DNAH9: variants seen among roughly 807,000 people sequenced by gnomAD.
The protein encoded by DNAH9 is DNAH9 variant protein.
In DNAH9, 345 loss-of-function variants were observed where a neutral mutation model predicts 471.6. The observed-to-expected ratio is 0.73, with a 90% confidence interval of 0.67 to 0.80. The LOEUF (loss-of-function observed/expected upper bound fraction) is 0.80, where lower values mean the gene tolerates loss of function less well. Ranked by LOEUF, DNAH9 falls within the 30% of genes least tolerant of loss-of-function variation. The pLI, the probability that DNAH9 is intolerant of heterozygous loss-of-function variation, is 0.00. For missense variants in DNAH9, 5,407 were observed against 5,609.2 expected (o/e 0.96, Z 1.15); for synonymous variants, 2,093 against 2,123.6 (o/e 0.99, Z 0.40).
chr17:11,747,431 G>T (rs1171712939), intron 31 of DNAH9, 125 bp from the exon 32 acceptor site: 16 of 693,254 alleles, frequency 2.3e-5, no homozygotes. Flanking sequence ...ACATCTTGGG[G>T]TAGATAACTC....
intron 35 of DNAH9, among the ~76,000 whole-genome samples, chr17:11,761,617 C>T (rs571728930): frequency 6.6e-6 from 1 of 152,274 alleles, no homozygotes; most frequent in African/African-American, 2.4e-5. Flanking sequence ...ATGCTTGCCC[C>T]TTCTCTGCTT....
chr17:11,781,729 G>C (rs1348289525), intron 39 of DNAH9, among the ~76,000 whole-genome samples: 1 of 151,804 alleles, frequency 6.6e-6, no homozygotes, highest in African/African-American at 2.4e-5. Context: ...CTACTCGGGA[G>C]GCTGAGGCAG....
At chr17:11,722,507 T>C (rs2075077723) in intron 27 of DNAH9, among the ~76,000 whole-genome samples, 1 of 152,210 alleles carries the variant, frequency 6.6e-6, no homozygotes, top group Non-Finnish European at 1.5e-5. Flanking sequence ...GCTTAAAATA[T>C]AACAAGGTAA....
In DNAH9 at chr17:11,896,403, A is replaced by G. The variant is rs1436276775; in HGVS notation, c.11406+1907A>G. On this transcript the variant is annotated intron_variant, in intron 59 of 68. Coordinates refer to ENST00000262442, the MANE Select transcript of DNAH9 (RefSeq NM_001372.4). Reference sequence around the variant, plus strand: ...AGTGAATGGACACGGCTGAGTTCCAATAAAACTTTATTGACAAAAACAGAT... The same window carrying G: ...AGTGAATGGACACGGCTGAGTTCCAGTAAAACTTTATTGACAAAAACAGAT... Among the ~76,000 whole-genome samples, 6 of 152,248 alleles carry G rather than the reference A, an allele frequency of 3.9e-5. No individual in the cohort carries two copies. In the South Asian group the frequency reaches 6.2e-4, roughly 16 times the overall value.
chr17:11,758,807 G>T (rs780054034), intron 35 of DNAH9, among the ~76,000 whole-genome samples: 2 of 152,084 alleles, frequency 1.3e-5, no homozygotes, highest in Admixed American at 6.6e-5. Context: ...GTCTATTTTC[G>T]TTGTTTAATG....
chr17:11,824,571 T>C (rs758738373), intron 48 of DNAH9, among the ~76,000 whole-genome samples: 11 of 152,202 alleles, frequency 7.2e-5, no homozygotes, highest in Non-Finnish European at 1.6e-4. Context: ...TTGGCTTTTT[T>C]CTCTAAATTG....
intron 67 of DNAH9, among the ~76,000 whole-genome samples, chr17:11,942,842 C>T (rs1974973250): frequency 6.6e-6 from 1 of 151,904 alleles, no homozygotes; most frequent in South Asian, 2.1e-4. Context: ...GCTCTTGCTG[C>T]CTTTGAGGAG....
Position 11,679,810 on chromosome 17 carries a change from A to G in DNAH9, c.3407A>G (p.Lys1136Arg). Residue 1136 changes from lysine to arginine, a missense_variant, in exon 18 of 69, where the codon AAA becomes AGA. Lys to Arg is a conservative substitution (Grantham distance 26, BLOSUM62 2). This residue lies in a region of DNAH9 where 4,636 missense variants were observed against 4,900.3 expected (regional missense o/e 0.95). Coordinates refer to ENST00000262442, the MANE Select transcript of DNAH9 (RefSeq NM_001372.4). ...IKKSESGLLK[K>R]VEKGDFQGLV... is the part of the protein sequence containing the mutation. The stretch of plus-strand genomic sequence containing the variant: ...AAGAGTGAGAGCGGCTTACTCAAGA[A>G]AGTTGAAAAAGGAGATTTCCAAGGC... 1.2e-6 allele frequency: 2 copies of G among 1,614,162 alleles called. No individual in the cohort carries two copies. Among genetic ancestry groups the G allele is most frequent in the Non-Finnish European group, 1.7e-6 (2 of 1,180,018 alleles).
intron 19 of DNAH9, among the ~76,000 whole-genome samples, chr17:11,682,074 TGTC>T (rs1188432256): frequency 6.6e-6 from 1 of 152,154 alleles, no homozygotes; most frequent in Non-Finnish European, 1.5e-5. Flanking sequence ...TTCTGGTTGT[TGTC>T]TGGGAGTTTT....
rs71142253 is a variant in DNAH9 at position 11,926,035 on chromosome 17, GAAAAA to G, written c.11877+2117_11877+2121del. Among the ~76,000 whole-genome samples the G allele has an allele frequency of 6.3e-3, 380 of 59,860 alleles. 2 individuals are homozygous for G. The highest frequency in any genetic ancestry group is 0.048 in the East Asian group (79 of 1,640). 39.3% of individuals were successfully genotyped at this position (59,860 alleles called of 152,430 possible). A position where few individuals can be genotyped will look rare whatever the true frequency, so the allele number is the denominator to read the frequency against. Reference sequence around the variant, plus strand: ...AGCCTGTAAACCTGAGAGATTCTCTGAAAAAAAAAAAAAAAAAAAAAAAAAAAGCT... The same window carrying G: ...AGCCTGTAAACCTGAGAGATTCTCTGAAAAAAAAAAAAAAAAAAAAAAGCT... On this transcript the variant is annotated intron_variant, in intron 62 of 68. Transcript: ENST00000262442.
intron 46 of DNAH9, 71 bp downstream of exon 46, chr17:11,822,133 G>C: frequency 6.6e-7 from 1 of 1,522,670 alleles, no homozygotes; most frequent in Non-Finnish European, 8.9e-7. Context: ...CTGATATTTC[G>C]GGCACAACTG....
At chr17:11,668,402 C>T (rs939812712) in intron 15 of DNAH9, among the ~76,000 whole-genome samples, 1 of 152,106 alleles carries the variant, frequency 6.6e-6, no homozygotes, top group Non-Finnish European at 1.5e-5. Flanking sequence ...CGCGGTGGCT[C>T]ATGCCTGTAA....
intron 4 of DNAH9, among the ~76,000 whole-genome samples, chr17:11,615,820 C>A (rs1325826848): frequency 1.3e-5 from 2 of 152,134 alleles, no homozygotes; most frequent in Non-Finnish European, 2.9e-5. Context: ...ATAGTCTCAG[C>A]CTCTTTTCTC....
Position 11,797,636 on chromosome 17 carries a change from CTGTAT to C in DNAH9, c.8267_8271del (p.Tyr2756SerfsTer33). ...TGTGGAGCAGACCCAAAGCCCGAAC[CTGTAT>C]TGTCACTTTGCAAATGGTATTGGGG... On this transcript the variant is annotated frameshift_variant, in exon 43 of 69. Coordinates refer to ENST00000262442, the MANE Select transcript of DNAH9 (RefSeq NM_001372.4). LOFTEE classifies it high-confidence loss of function. The C allele has an allele frequency of 6.2e-7, 1 of 1,614,040 alleles. No homozygotes were observed. Among genetic ancestry groups the C allele is most frequent in the Non-Finnish European group, 8.5e-7 (1 of 1,179,992 alleles).
chr17:11,702,298 T>G (rs2074615493), intron 24 of DNAH9, among the ~76,000 whole-genome samples: 1 of 152,158 alleles, frequency 6.6e-6, no homozygotes, highest in African/African-American at 2.4e-5. Flanking sequence ...TCCTTATAGG[T>G]TTCTCAGAAG....
At chr17:11,838,062 T>C (rs1048422365) in intron 49 of DNAH9, among the ~76,000 whole-genome samples, 2 of 152,226 alleles carry the variant, frequency 1.3e-5, no homozygotes, top group Non-Finnish European at 2.9e-5. Flanking sequence ...AAGTGAACAA[T>C]AGTTATAGTC....
At chr17:11,901,524 C>T (rs1430643804) in intron 59 of DNAH9, among the ~76,000 whole-genome samples, 13 of 152,010 alleles carry the variant, frequency 8.6e-5, no homozygotes, top group African/African-American at 2.4e-4. Flanking sequence ...GGTGAAACCC[C>T]GTCTCTACTA....
At chr17:11,742,394 G>A in intron 30 of DNAH9, 81 bp downstream of exon 30, 1 of 1,408,514 alleles carries the variant, frequency 7.1e-7, no homozygotes, top group Non-Finnish European at 9.8e-7. Context: ...AAATGTATTA[G>A]GAAAACATAC....
In DNAH9 at chr17:11,891,896, C is replaced by T. The variant is rs144193809; in HGVS notation, c.11232C>T (p.Arg3744=). The T allele has an allele frequency of 7.4e-5, 119 of 1,614,102 alleles. No homozygotes were observed. Among genetic ancestry groups the T allele is most frequent in the East Asian group, 6.2e-4 (28 of 44,872 alleles). ...ITFSVYQYTI[R]GLFECDKLTY... Reference sequence around the variant, plus strand: ...TCTCTGTGTACCAGTACACCATCCGCGGGCTCTTTGAGTGTGATAAGCTGA... The same window carrying T: ...TCTCTGTGTACCAGTACACCATCCGTGGGCTCTTTGAGTGTGATAAGCTGA... Residue 3744 remains arginine, a synonymous_variant, in exon 58 of 69, where the codon CGC becomes CGT. Coordinates refer to ENST00000262442, the MANE Select transcript of DNAH9 (RefSeq NM_001372.4).
Sources: allele counts gnomAD v4.1 joint callset (sites outside exome capture counted in the v4.1 genomes callset), GRCh38; gene constraint gnomAD v4.1.1; regional missense constraint gnomAD v4.1.1; transcripts MANE v1.5; gene names NCBI Gene and HGNC (gene_info 2026-07-23, HGNC 2026-07-21).